Variants in KCNT2 observed in about 807,000 individuals in gnomAD.
KCNT2 encodes potassium sodium-activated channel subfamily T member 2.
KCNT2 carries 67 observed loss-of-function variants against 153.8 expected under a neutral mutation model. The ratio of observed to expected loss-of-function variants is 0.44; its 90% CI spans 0.36 to 0.53. KCNT2 has a LOEUF of 0.53. Ranked by LOEUF, KCNT2 falls within the 20% of genes least tolerant of loss-of-function variation. The probability of loss-of-function intolerance (pLI) is 0.00; values close to 1 mark genes in which losing one functional copy is unlikely to be tolerated. For missense variants in KCNT2, 975 were observed against 1,354.8 expected (o/e 0.72, Z 4.40); for synonymous variants, 500 against 458.8 (o/e 1.09, Z -1.15).
chr1:196,343,466 T>A (rs1665860043), intron 14 of KCNT2, among the ~76,000 whole-genome samples: 1 of 152,042 alleles, frequency 6.6e-6, no homozygotes, highest in South Asian at 2.1e-4. Context: ...TCAAAATAAT[T>A]TATCATAATC....
chr1:196,269,383 G>A (rs1470262947), intron 25 of KCNT2, among the ~76,000 whole-genome samples: 2 of 152,012 alleles, frequency 1.3e-5, no homozygotes, highest in Admixed American at 6.6e-5. Context: ...GTGCATGTAC[G>A]TGTAAAACCT....
chr1:196,305,906 C>T (rs1661585535), intron 21 of KCNT2, among the ~76,000 whole-genome samples: 1 of 151,976 alleles, frequency 6.6e-6, no homozygotes, highest in Non-Finnish European at 1.5e-5. Flanking sequence ...TAGTGTTCCC[C>T]AAAAGTATCC....
intron 1 of KCNT2, among the ~76,000 whole-genome samples, chr1:196,549,400 A>C (rs1369222218): frequency 6.6e-6 from 1 of 150,854 alleles, no homozygotes; most frequent in African/African-American, 2.5e-5. Context: ...CAGAGTAAAA[A>C]CACATATAAT....
At chr1:196,548,008 T>C (rs1417542246) in intron 1 of KCNT2, among the ~76,000 whole-genome samples, 1 of 151,850 alleles carries the variant, frequency 6.6e-6, no homozygotes, top group East Asian at 1.9e-4. Context: ...AAGCCATATA[T>C]TGAGTAATAG....
chr1:196,429,190 T>G (rs912591523), intron 9 of KCNT2, among the ~76,000 whole-genome samples: 1 of 151,946 alleles, frequency 6.6e-6, no homozygotes, highest in African/African-American at 2.4e-5. Context: ...TTCATTGCAG[T>G]GTATGACTTT....
intron 14 of KCNT2, among the ~76,000 whole-genome samples, chr1:196,370,369 A>G (rs1313635031): frequency 2.0e-5 from 3 of 152,096 alleles, no homozygotes; most frequent in Non-Finnish European, 4.4e-5. Context: ...AGTTCTATGA[A>G]GTCATCTAAT....
chr1:196,231,164 G>C (rs1653916197), intron 27 of KCNT2, among the ~76,000 whole-genome samples: 1 of 151,702 alleles, frequency 6.6e-6, no homozygotes, highest in Non-Finnish European at 1.5e-5. Context: ...ATGACTGCTA[G>C]CATTTTTTTT....
chr1:196,294,159 C>T (rs778414355), intron 22 of KCNT2, among the ~76,000 whole-genome samples: 3 of 152,250 alleles, frequency 2.0e-5, no homozygotes, highest in Non-Finnish European at 4.4e-5. Context: ...AAGATATCAC[C>T]TCATACCTGT....
chr1:196,576,072 TTA>T (rs66537346), intron 1 of KCNT2, among the ~76,000 whole-genome samples: 19,647 of 145,066 alleles, frequency 0.14, 1,826 homozygotes, highest in African/African-American at 0.27. Context: ...GTGTTAGGTT[TTA>T]TATATATATA....
At chr1:196,428,616 A>G (rs1035713312) in intron 9 of KCNT2, among the ~76,000 whole-genome samples, 4 of 152,074 alleles carry the variant, frequency 2.6e-5, no homozygotes, top group Admixed American at 6.6e-5. Context: ...AATTCTAACC[A>G]TATCTCATGC....
intron 1 of KCNT2, among the ~76,000 whole-genome samples, chr1:196,510,778 T>A (rs761975650): frequency 3.9e-5 from 6 of 152,216 alleles, no homozygotes; most frequent in Non-Finnish European, 8.8e-5. Flanking sequence ...AATAGCCACC[T>A]TGTGTGAGGT....
chr1:196,485,230 G>A (rs978411514), intron 3 of KCNT2, among the ~76,000 whole-genome samples: 8 of 151,914 alleles, frequency 5.3e-5, no homozygotes, highest in East Asian at 1.9e-4. Flanking sequence ...CTCACTCATC[G>A]GTAGACATTG....
rs542120228 is a variant in KCNT2, at chr1:196,351,190, T to C, written c.1404-8962A>G. The stretch of plus-strand genomic sequence containing the variant: ...CACAATTGACTTGGTGATGCGGGCT[T>C]TTTTTTGGTGCCATATGAACTTTAA... On this transcript the variant is annotated intron_variant, in intron 14 of 27. Coordinates refer to ENST00000294725, the MANE Select transcript of KCNT2 (RefSeq NM_198503.5). Among the ~76,000 whole-genome samples the C allele has an allele frequency of 6.1e-3, 928 of 152,074 alleles. 12 individuals are homozygous for C. The highest frequency in any genetic ancestry group is 0.021 in the African/African-American group (876 of 41,528).
At chr1:196,427,156 A>G (rs116514044) in intron 10 of KCNT2, among the ~76,000 whole-genome samples, 2,299 of 152,072 alleles carry the variant, frequency 0.015, 67 homozygotes, top group African/African-American at 0.052. Flanking sequence ...AATTAAAAAA[A>G]CAAGTATGGA....
At chr1:196,396,573 G>A (rs1670954446) in intron 13 of KCNT2, among the ~76,000 whole-genome samples, 1 of 150,482 alleles carries the variant, frequency 6.6e-6, no homozygotes, top group Non-Finnish European at 1.5e-5. Flanking sequence ...GCTTCATACA[G>A]CACTCCAAAC....
intron 18 of KCNT2, among the ~76,000 whole-genome samples, chr1:196,330,348 A>T (rs974932953): frequency 1.3e-5 from 2 of 151,948 alleles, no homozygotes; most frequent in African/African-American, 4.8e-5. Context: ...TTCATATTAA[A>T]ATAATATCCA....
chr1:196,278,935 A>G (rs930241065), intron 25 of KCNT2, among the ~76,000 whole-genome samples: 1 of 152,206 alleles, frequency 6.6e-6, no homozygotes, highest in African/African-American at 2.4e-5. Flanking sequence ...AGAGCCTTAT[A>G]AAAGAGGACT....
At chr1:196,322,280 G>T (rs561917402) in intron 19 of KCNT2, among the ~76,000 whole-genome samples, 39 of 151,672 alleles carry the variant, frequency 2.6e-4, no homozygotes, top group Non-Finnish European at 5.5e-4. Flanking sequence ...TCGAAAAATT[G>T]TTACTTATAC....
At chr1:196,456,937 G>A (rs759158914) in intron 8 of KCNT2, among the ~76,000 whole-genome samples, 58 of 151,990 alleles carry the variant, frequency 3.8e-4, no homozygotes, top group Admixed American at 9.9e-4. Context: ...ATGCATAAAG[G>A]TACAACGGTT....
Sources: gnomAD v4.1 joint callset for allele counts (sites outside exome capture counted in the v4.1 genomes callset) on GRCh38, gnomAD v4.1.1 for gene constraint, MANE v1.5 for transcripts, NCBI Gene and HGNC (gene_info 2026-07-23, HGNC 2026-07-21) for gene names.